The following LOC128706665 variants were observed in gnomAD, a reference collection of about 807,000 sequenced individuals.
chr20:10,431,229 G>T, the LOC128706665 span, among the ~76,000 whole-genome samples: 5 of 152,048 alleles, frequency 3.3e-5, no homozygotes, highest in Admixed American at 6.6e-5. Context: ...CGAATATTTT[G>T]ACTAAAATTG....
At chr20:10,417,535 C>T in the LOC128706665 span, among the ~76,000 whole-genome samples, 1 of 152,232 alleles carries the variant, frequency 6.6e-6, no homozygotes, top group Admixed American at 6.5e-5. Context: ...GGCCTGTGCC[C>T]AAGAGTTTGA....
the LOC128706665 span, among the ~76,000 whole-genome samples, chr20:10,427,080 A>AC: frequency 1.0e-4 from 15 of 147,516 alleles, 1 homozygote; most frequent in East Asian, 3.9e-4. Flanking sequence ...ACACACACAC[A>AC]AAGTAAGGTT....
chr20:10,430,937 T>C, the LOC128706665 span, among the ~76,000 whole-genome samples: 3 of 152,210 alleles, frequency 2.0e-5, no homozygotes, highest in African/African-American at 4.8e-5. Context: ...AGCAAAAGCA[T>C]TGAGTAATGG....
the LOC128706665 span, chr20:10,420,570 C>T: frequency 2.0e-5 from 3 of 152,202 alleles, no homozygotes; most frequent in African/African-American, 7.2e-5. Context: ...TTTGGCTCTT[C>T]TGAAGATTTG....
chr20:10,431,662 G>T, the LOC128706665 span: 1 of 152,104 alleles, frequency 6.6e-6, no homozygotes, highest in African/African-American at 2.4e-5. Flanking sequence ...CTCTGAATTA[G>T]TCTCAATCCA....
the LOC128706665 span, among the ~76,000 whole-genome samples, chr20:10,429,105 C>T: frequency 6.6e-6 from 1 of 152,220 alleles, no homozygotes; most frequent in Non-Finnish European, 1.5e-5. Flanking sequence ...TACACAATCT[C>T]TTTCCTTTCA....
At chr20:10,417,461 C>A in the LOC128706665 span, among the ~76,000 whole-genome samples, 1 of 151,692 alleles carries the variant, frequency 6.6e-6, no homozygotes, top group Non-Finnish European at 1.5e-5. Flanking sequence ...TATTTTAGAA[C>A]TTAGCCAGGT....
At chr20:10,424,718 G>C in the LOC128706665 span, among the ~76,000 whole-genome samples, 5 of 152,048 alleles carry the variant, frequency 3.3e-5, no homozygotes, top group Non-Finnish European at 4.4e-5. Flanking sequence ...TTTAAATTTA[G>C]CACTTTTTTT....
chr20:10,417,466 CCA>C, the LOC128706665 span, among the ~76,000 whole-genome samples: 1 of 151,454 alleles, frequency 6.6e-6, no homozygotes, highest in Non-Finnish European at 1.5e-5. Context: ...TAGAACTTAG[CCA>C]GGTGTGGTGG....
At chr20:10,427,627 C>T in the LOC128706665 span, among the ~76,000 whole-genome samples, 2 of 152,148 alleles carry the variant, frequency 1.3e-5, 1 homozygote, top group South Asian at 4.1e-4. Flanking sequence ...GGCATTTTTT[C>T]TGTGTACACA....
the LOC128706665 span, among the ~76,000 whole-genome samples, chr20:10,414,355 T>A: frequency 1.4e-5 from 2 of 147,004 alleles, no homozygotes; most frequent in Admixed American, 1.4e-4. Flanking sequence ...AACCTCAGCC[T>A]CCTGGGTTCA....
chr20:10,428,910 G>C, the LOC128706665 span, among the ~76,000 whole-genome samples: 2 of 152,128 alleles, frequency 1.3e-5, no homozygotes, highest in Non-Finnish European at 2.9e-5. Flanking sequence ...TATTACCTGT[G>C]TTCCAGTCCC....
the LOC128706665 span, among the ~76,000 whole-genome samples, chr20:10,419,922 C>T: frequency 1.3e-5 from 2 of 152,174 alleles, no homozygotes; most frequent in Non-Finnish European, 2.9e-5. Flanking sequence ...GAAAGCCAAA[C>T]TGCGGATAAA....
At chr20:10,430,880 C>T in the LOC128706665 span, among the ~76,000 whole-genome samples, 1 of 152,168 alleles carries the variant, frequency 6.6e-6, no homozygotes, top group African/African-American at 2.4e-5. Context: ...GAAACTTGGT[C>T]GACATTTTCA....
chr20:10,424,482 C>T, the LOC128706665 span, among the ~76,000 whole-genome samples: 1 of 151,984 alleles, frequency 6.6e-6, no homozygotes, highest in Admixed American at 6.6e-5. Context: ...GAAAAATCTC[C>T]AGTACATTGG....
At chr20:10,422,530 T>C in the LOC128706665 span, among the ~76,000 whole-genome samples, 2 of 152,060 alleles carry the variant, frequency 1.3e-5, no homozygotes, top group Admixed American at 6.5e-5. Flanking sequence ...GCTACTTACT[T>C]ATAGGAGGGA....
chr20:10,427,061 C>CACACACACACACACACACACACACAA, the LOC128706665 span, among the ~76,000 whole-genome samples: 1 of 144,696 alleles, frequency 6.9e-6, no homozygotes, highest in African/African-American at 2.5e-5. Flanking sequence ...CACACACACA[C>CACACACACACACACACACACACACAA]ACACACACAC....
At chr20:10,423,291 C>T in the LOC128706665 span, among the ~76,000 whole-genome samples, 138 of 152,098 alleles carry the variant, frequency 9.1e-4, no homozygotes, top group South Asian at 6.2e-3. Context: ...TGGTGGCGCA[C>T]GCCTGTAGTT....
the LOC128706665 span, among the ~76,000 whole-genome samples, chr20:10,414,221 G>A: frequency 1.3e-5 from 2 of 151,434 alleles, no homozygotes; most frequent in African/African-American, 4.9e-5. Flanking sequence ...ATGCTTCTAG[G>A]AGAGAAATGC....
Sources: allele counts gnomAD v4.1 joint callset (sites outside exome capture counted in the v4.1 genomes callset), GRCh38; gene constraint gnomAD v4.1.1; transcripts MANE v1.5.